Variants in COQ3 observed in about 807,000 individuals in gnomAD.
COQ3 encodes ubiquinone biosynthesis O-methyltransferase, mitochondrial.
A neutral mutation model predicts 33.1 loss-of-function variants in COQ3; 29 were observed. That is an observed-to-expected ratio of 0.88 (90% CI 0.65 to 1.19). COQ3 has a LOEUF of 1.19. COQ3 is among the 50% of genes most tolerant of loss of function. COQ3 has a pLI of 0.00. For synonymous variants in COQ3, 173 were observed against 157.8 expected, an observed-to-expected ratio of 1.10 and a Z score of -0.72; for missense variants, 437 against 430.7, an observed-to-expected ratio of 1.01 and a Z score of -0.13.
intron 5 of COQ3, among the ~76,000 whole-genome samples, chr6:99,373,314 A>G (rs1025872862): frequency 1.3e-5 from 2 of 152,104 alleles, no homozygotes; most frequent in African/African-American, 4.8e-5. Context: ...ACCTGTAGAC[A>G]TAGCTACTTG....
rs776165532 is a variant in COQ3, at chr6:99,380,364, C to G, written c.234-23G>C. 6 of 1,609,750 alleles carry G rather than the reference C, an allele frequency of 3.7e-6. No individual in the cohort carries two copies. In the Admixed American group the frequency reaches 8.4e-5, roughly 23 times the overall value. On this transcript the variant is annotated intron_variant, in intron 2 of 6. Coordinates refer to ENST00000254759, the MANE Select transcript of COQ3 (RefSeq NM_017421.4). ...TACCTAAAAGGTGAAAATGAAGAAC[C>G]AAGCAAATACTGCTGTTTTGAAGAA...
intron 1 of COQ3, among the ~76,000 whole-genome samples, chr6:99,389,224 G>C (rs1253905626): frequency 6.6e-6 from 1 of 152,154 alleles, no homozygotes; most frequent in Non-Finnish European, 1.5e-5. Flanking sequence ...CCAGTTTCAA[G>C]TGATTATCCA....
intron 1 of COQ3, among the ~76,000 whole-genome samples, chr6:99,388,912 CACACACACACACACACACACA>C (rs1774739030): frequency 6.7e-6 from 1 of 149,780 alleles, no homozygotes; most frequent in Admixed American, 6.7e-5. Context: ...CACACACACA[CACACACACACACACACACACA>C]CCCACATCCT....
chr6:99,376,832 GGCA>G (rs1774296291), intron 4 of COQ3, among the ~76,000 whole-genome samples: 1 of 151,824 alleles, frequency 6.6e-6, no homozygotes, highest in Non-Finnish European at 1.5e-5. Flanking sequence ...GCATGGTGGC[GGCA>G]GCCCGTAATC....
chr6:99,374,591 T>C (rs1274823735), intron 5 of COQ3, among the ~76,000 whole-genome samples: 1 of 152,174 alleles, frequency 6.6e-6, no homozygotes. Flanking sequence ...GTAATAATAA[T>C]AATACTTTAG....
At chr6:99,375,887 C>T in intron 5 of COQ3, 53 bp downstream of exon 5, 6 of 1,596,588 alleles carry the variant, frequency 3.8e-6, no homozygotes, top group Non-Finnish European at 5.1e-6. Flanking sequence ...GCTATAGATA[C>T]AAATACACAC....
chr6:99,369,583 T>C lies in COQ3; in HGVS notation c.*17A>G, dbSNP rs1219940236. On this transcript the variant is annotated 3_prime_UTR_variant, in exon 7 of 7. Transcript: ENST00000254759. ...ATCAGATATCCAAGCCATATTACTA[T>C]AGTTCTCAGAAACAATTCATTTCTT... 11 of 1,559,434 alleles carry C rather than the reference T, an allele frequency of 7.1e-6. No homozygotes were observed. The highest frequency in any genetic ancestry group is 6.7e-5 in the Admixed American group (4 of 59,720).
intron 3 of COQ3, among the ~76,000 whole-genome samples, chr6:99,378,431 C>T (rs148480479): frequency 2.6e-5 from 4 of 152,080 alleles, no homozygotes; most frequent in East Asian, 1.9e-4. Context: ...CACTTTCCTT[C>T]GATGGGTTCT....
At chr6:99,380,640 C>T (rs977025067) in intron 2 of COQ3, among the ~76,000 whole-genome samples, 3 of 152,076 alleles carry the variant, frequency 2.0e-5, no homozygotes, top group African/African-American at 7.2e-5. Context: ...TAATAGCTGG[C>T]AGGGTGCAGT....
intron 1 of COQ3, 68 bp downstream of exon 1, chr6:99,394,006 G>GGCGCAT: frequency 7.7e-7 from 1 of 1,294,144 alleles, no homozygotes; most frequent in South Asian, 1.2e-5. Flanking sequence ...CCCCACCCCC[G>GGCGCAT]GCGCATGCGC....
At chr6:99,372,224 C>T (rs1359550472) in intron 5 of COQ3, among the ~76,000 whole-genome samples, 7 of 151,870 alleles carry the variant, frequency 4.6e-5, no homozygotes, top group Non-Finnish European at 7.4e-5. Context: ...GCCAACATGG[C>T]GAAACCCCCG....
At chr6:99,373,177 A>G (rs1240651451) in intron 5 of COQ3, among the ~76,000 whole-genome samples, 1 of 152,138 alleles carries the variant, frequency 6.6e-6, no homozygotes, top group African/African-American at 2.4e-5. Context: ...GCTCATGCCT[A>G]TAATTCTAGT....
intron 2 of COQ3, among the ~76,000 whole-genome samples, chr6:99,381,199 C>A (rs559770324): frequency 1.2e-3 from 181 of 152,276 alleles, no homozygotes; most frequent in Non-Finnish European, 1.9e-3. Flanking sequence ...AGTGTCCTAG[C>A]CTTCTAACTG....
intron 1 of COQ3, among the ~76,000 whole-genome samples, chr6:99,388,108 G>A (rs1007759619): frequency 1.3e-5 from 2 of 152,080 alleles, no homozygotes; most frequent in Admixed American, 6.5e-5. Context: ...AGGTTGCGGT[G>A]AGCAGAGGTC....
chr6:99,387,618 T>C lies in COQ3; in HGVS notation c.107-3794A>G, dbSNP rs188594720. ...ATCTTACAAAACAGCTATAAAAACC[T>C]ATAGCTCACATAGTACTTTATGATG... On this transcript the variant is annotated intron_variant, in intron 1 of 6. Coordinates refer to ENST00000254759, the MANE Select transcript of COQ3 (RefSeq NM_017421.4). Among the ~76,000 whole-genome samples, 255 of 152,272 alleles carry C rather than the reference T, an allele frequency of 1.7e-3. 2 individuals carry two copies. The highest frequency in any genetic ancestry group is 6.0e-3 in the African/African-American group (250 of 41,550).
intron 1 of COQ3, among the ~76,000 whole-genome samples, chr6:99,384,358 C>A (rs1774557285): frequency 6.6e-6 from 1 of 152,046 alleles, no homozygotes; most frequent in African/African-American, 2.4e-5. Flanking sequence ...TTGTAATTAG[C>A]CAAAACAAGT....
At position 99,375,587 on chromosome 6, in the gene COQ3, G is replaced by C. The variant is rs555441936; in HGVS notation, c.729+353C>G. ...TTTAGTAGAGATGGGGTTTCACCAT[G>C]TTACCCAGGCTAATCTCCAACTCCT... On this transcript the variant is annotated intron_variant, in intron 5 of 6. Transcript: ENST00000254759. Among the ~76,000 whole-genome samples, 3 of 152,022 alleles carry C rather than the reference G, an allele frequency of 2.0e-5. No individual in the cohort carries two copies. The East Asian group carries it at 5.8e-4, about 29-fold the overall frequency.
chr6:99,371,357 C>G, intron 6 of COQ3, 71 bp downstream of exon 6: 2 of 995,336 alleles, frequency 2.0e-6, no homozygotes, highest in Non-Finnish European at 3.0e-6. Context: ...AGGCTAAGTG[C>G]GTAATAATTA....
chr6:99,378,808 T>C (rs1292757771), intron 3 of COQ3, among the ~76,000 whole-genome samples: 1 of 152,188 alleles, frequency 6.6e-6, no homozygotes, highest in Non-Finnish European at 1.5e-5. Flanking sequence ...ATACTAATTC[T>C]GGATGAACCA....
Sources: gnomAD v4.1 joint callset for allele counts (sites outside exome capture counted in the v4.1 genomes callset) on GRCh38, gnomAD v4.1.1 for gene constraint, MANE v1.5 for transcripts, NCBI Gene and HGNC (gene_info 2026-07-23, HGNC 2026-07-21) for gene names.